DCHS2: variants seen among roughly 807,000 people sequenced by gnomAD.
DCHS2 encodes the protein protocadherin-23.
A neutral mutation model predicts 182.4 loss-of-function variants in DCHS2; 142 were observed. The ratio of observed to expected loss-of-function variants is 0.78; its 90% confidence interval spans 0.68 to 0.89. The LOEUF is 0.89. Among genes scored for constraint, DCHS2 ranks in the 40% least tolerant of loss-of-function variants. The pLI is 0.00. For synonymous variants in DCHS2, 1,740 were observed against 1,663.3 expected (o/e 1.05, Z -1.12); for missense variants, 4,319 against 4,198.6 (o/e 1.03, Z -0.79).
At chr4:154,408,353 A>T (rs985637788) in intron 1 of DCHS2, among the ~76,000 whole-genome samples, 1 of 152,126 alleles carries the variant, frequency 6.6e-6, no homozygotes, top group Admixed American at 6.5e-5. Context: ...TAGCACTGAA[A>T]CTCTATCCAA....
rs773603351 is a variant in DCHS2 at position 154,239,321 on chromosome 4, A to G, written c.7360-19T>C. ...CTGTGACCTGAGGGAAAAAGAGAAAAATAGGGACATTGTGCTTAAAGGCTG... is the reference window on the plus strand; with the variant it reads ...CTGTGACCTGAGGGAAAAAGAGAAAGATAGGGACATTGTGCTTAAAGGCTG... On this transcript the variant is annotated intron_variant, in intron 18 of 19. Transcript: ENST00000357232. 1 of 1,611,478 alleles carries G rather than the reference A, an allele frequency of 6.2e-7. No individual in the cohort carries two copies. The highest frequency in any genetic ancestry group is 1.7e-5 in the Admixed American group (1 of 59,428).
intron 3 of DCHS2, among the ~76,000 whole-genome samples, chr4:154,353,825 G>A (rs765407117): frequency 9.9e-5 from 15 of 152,218 alleles, no homozygotes; most frequent in Admixed American, 6.5e-5. Flanking sequence ...CGATTAGCCA[G>A]ACATTCTGAT....
intron 5 of DCHS2, 145 bp downstream of exon 5, chr4:154,332,333 T>C: frequency 1.6e-6 from 1 of 606,226 alleles, no homozygotes; most frequent in Non-Finnish European, 2.8e-6. Flanking sequence ...TTCAATTGCA[T>C]GTATGCACTA....
rs188986857 is a variant in DCHS2 at position 154,268,293 on chromosome 4, A to G, written c.6577+1607T>C. ...TGGCATATCTAAATTGCCAGAATCC[A>G]GAATACTACACTCGTGCTTTGGGGC... On this transcript the variant is annotated intron_variant, in intron 14 of 19. Coordinates refer to ENST00000357232, the MANE Select transcript of DCHS2 (RefSeq NM_001358235.2). Among the ~76,000 whole-genome samples, 6 of 151,198 alleles carry G rather than the reference A, an allele frequency of 4.0e-5. No homozygotes were observed. In the East Asian group the frequency reaches 1.2e-3, roughly 30 times the overall value.
intron 10 of DCHS2, among the ~76,000 whole-genome samples, chr4:154,307,100 C>T (rs945506330): frequency 1.3e-5 from 2 of 152,154 alleles, no homozygotes; most frequent in Admixed American, 1.3e-4. Flanking sequence ...ACTTCATACC[C>T]TTTACAAATT....
rs1289880384 is a variant in DCHS2, at chr4:154,491,032, A to C, written c.324T>G (p.Asp108Glu). ...GGAAGTCGTCCAGCAGCGGGGAGTCATCGGAGTCCTCCGACAGAAAGAAGC... is the reference window on the plus strand; with the variant it reads ...GGAAGTCGTCCAGCAGCGGGGAGTCCTCGGAGTCCTCCGACAGAAAGAAGC... ...GSGFFLSEDS[D>E]DSPLLDDFHV... The change falls in exon 1 of 20, where the codon GAT becomes GAG. Residue 108 changes from aspartate to glutamate, a missense_variant. Physicochemically the swap from Asp to Glu is conservative, Grantham distance 45. Transcript: ENST00000357232. 1.3e-6 allele frequency: 2 copies of C among 1,550,980 alleles called. No homozygotes were observed. Among genetic ancestry groups the C allele is most frequent in the Non-Finnish European group, 1.7e-6 (2 of 1,146,842 alleles).
intron 17 of DCHS2, 133 bp from the exon 18 acceptor site, chr4:154,240,956 CA>C: frequency 7.2e-7 from 1 of 1,380,882 alleles, no homozygotes; most frequent in Non-Finnish European, 9.6e-7. Context: ...ATTTCTCATA[CA>C]AAGCTCATTA....
intron 3 of DCHS2, among the ~76,000 whole-genome samples, chr4:154,360,190 A>G (rs1275200338): frequency 6.6e-6 from 1 of 152,102 alleles, no homozygotes; most frequent in Non-Finnish European, 1.5e-5. Flanking sequence ...TACATATGGA[A>G]AAGACACTGA....
intron 3 of DCHS2, among the ~76,000 whole-genome samples, chr4:154,351,696 G>A (rs1410996676): frequency 6.6e-6 from 1 of 152,168 alleles, no homozygotes; most frequent in Non-Finnish European, 1.5e-5. Flanking sequence ...AGATCATCAG[G>A]CATTAGTTAG....
intron 1 of DCHS2, among the ~76,000 whole-genome samples, chr4:154,439,410 T>G (rs1733906885): frequency 8.5e-6 from 1 of 117,672 alleles, no homozygotes; most frequent in South Asian, 2.7e-4. Context: ...CACTCTTAAT[T>G]TTTGGCAATT....
In DCHS2 at chr4:154,236,269, C is replaced by T. The variant is rs773400420; in HGVS notation, c.8383G>A (p.Asp2795Asn). The T allele has an allele frequency of 6.2e-6, 10 of 1,613,956 alleles. No homozygotes were observed. Among genetic ancestry groups the T allele is most frequent in the East Asian group, 2.2e-5 (1 of 44,858 alleles). The stretch of plus-strand genomic sequence containing the variant: ...TCTCCATACGGACCAGCATCAAAAT[C>T]CAGAGCATTTATAGAGCATATGGTA... Reference protein sequence around the residue: ...SSTICSINALDFDAGPYGELT... With the variant: ...SSTICSINALNFDAGPYGELT... The change falls in exon 20 of 20, where the codon GAT (aspartate) becomes AAT (asparagine). Residue 2795 changes from aspartate to asparagine, a missense_variant. Transcript: ENST00000357232.
At chr4:154,363,880 C>T (rs1321915237) in intron 3 of DCHS2, among the ~76,000 whole-genome samples, 1 of 152,146 alleles carries the variant, frequency 6.6e-6, no homozygotes. Context: ...AACCATTCAA[C>T]TTAGCAGCTG....
intron 13 of DCHS2, among the ~76,000 whole-genome samples, chr4:154,277,989 C>T (rs371662105): frequency 4.0e-5 from 6 of 150,564 alleles, no homozygotes; most frequent in African/African-American, 7.3e-5. Flanking sequence ...TACAGTGAGC[C>T]GAGATTATAC....
rs920446390 is a variant in DCHS2, at chr4:154,269,912, A to T, written c.6565T>A (p.Cys2189Ser). 2 of 1,611,804 alleles carry T rather than the reference A, an allele frequency of 1.2e-6. No individual in the cohort carries two copies. Among genetic ancestry groups the T allele is most frequent in the Non-Finnish European group, 8.5e-7 (1 of 1,178,964 alleles). Residue 2189 changes from cysteine (C) to serine (S), a missense_variant, in exon 14 of 20, where the codon TGC becomes AGC. Cys to Ser is a moderately radical substitution (Grantham distance 112). Transcript: ENST00000357232. ...SGNEDGVLSLCSKSGQLTVKE... is the reference protein window; with the variant it reads ...SGNEDGVLSLSSKSGQLTVKE... ...AGAGAAGGATTACCTGACTTAGAGC[A>T]CAGGGAAAGAACTCCATCTTCATTT...
chr4:154,239,403 G>A, intron 18 of DCHS2, 101 bp from the exon 19 acceptor site: 1 of 1,536,924 alleles, frequency 6.5e-7, no homozygotes, highest in South Asian at 1.2e-5. Flanking sequence ...TTTTGATTAT[G>A]GAAACCATAC....
At chr4:154,410,169 G>T (rs1253044666) in intron 1 of DCHS2, among the ~76,000 whole-genome samples, 1 of 151,674 alleles carries the variant, frequency 6.6e-6, no homozygotes, top group Non-Finnish European at 1.5e-5. Context: ...TGACCCCAAA[G>T]AAAAGTAAAT....
rs1735029377 is a variant in DCHS2, at chr4:154,298,150, T to C, written c.6164A>G (p.Gln2055Arg). ...ATCAGCTCTCACAATGACAGTTGTCTGGTTTGTAGGCGACTCGGGGGAAAG... is the reference window on the plus strand; with the variant it reads ...ATCAGCTCTCACAATGACAGTTGTCCGGTTTGTAGGCGACTCGGGGGAAAG... ...VFLSPESPTN[Q>R]TTVIVRADDL... is the part of the protein sequence containing the mutation. The change falls in exon 13 of 20, where the codon CAG (glutamine) becomes CGG (arginine). Residue 2055 changes from glutamine to arginine, a missense_variant. Coordinates refer to ENST00000357232, the MANE Select transcript of DCHS2 (RefSeq NM_001358235.2). 1 of 1,614,130 alleles carries C rather than the reference T, an allele frequency of 6.2e-7. No homozygotes were observed. Among genetic ancestry groups the C allele is most frequent in the Non-Finnish European group, 8.5e-7 (1 of 1,180,014 alleles).
chr4:154,332,669 C>T lies in DCHS2; in HGVS notation c.3539G>A (p.Arg1180His), dbSNP rs745865586. The change falls in exon 5 of 20, where the codon CGT becomes CAT. Residue 1180 changes from arginine (R) to histidine (H), a missense_variant. Arg to His is a conservative substitution (Grantham distance 29). Transcript: ENST00000357232. ...GGAATTGTCATTCTCATCCCAGACA[C>T]GAACAATGACTGTAGTGCTCACATT... The part of the protein sequence containing the change: ...LQNVSTTVIV[R>H]VWDENDNSPT... 6 of 1,614,230 alleles carry T rather than the reference C, an allele frequency of 3.7e-6. No individual in the cohort carries two copies. Among genetic ancestry groups the T allele is most frequent in the South Asian group, 2.2e-5 (2 of 91,086 alleles).
intron 3 of DCHS2, among the ~76,000 whole-genome samples, chr4:154,350,388 T>C (rs1264996151): frequency 2.0e-5 from 3 of 152,042 alleles, no homozygotes; most frequent in Admixed American, 2.0e-4. Context: ...TAAAGAACAA[T>C]CTGTGAAGAT....
Sources: allele counts gnomAD v4.1 joint callset (sites outside exome capture counted in the v4.1 genomes callset), GRCh38; gene constraint gnomAD v4.1.1; transcripts MANE v1.5; gene names NCBI Gene and HGNC (gene_info 2026-07-23, HGNC 2026-07-21).